The following ZIM2 variants were observed in gnomAD, a reference collection of about 807,000 sequenced individuals.
ZIM2 encodes the protein zinc finger imprinted 2.
ZIM2 carries 14 observed loss-of-function variants against 38.6 expected under a neutral mutation model. The ratio of observed to expected loss-of-function variants is 0.36; its 90% CI spans 0.24 to 0.57. ZIM2 has a LOEUF of 0.57. Among genes scored for constraint, ZIM2 ranks in the 20% least tolerant of loss-of-function variants. ZIM2 has a pLI of 0.81. For synonymous variants in ZIM2, 247 were observed against 245.8 expected, an observed-to-expected ratio of 1.00 and a Z score of -0.04; for missense variants, 680 against 695.1, an observed-to-expected ratio of 0.98 and a Z score of 0.24.
Position 56,812,113 on chromosome 19 carries a change from C to T in ZIM2, c.490+5633G>A, listed in dbSNP as rs994549830. On this transcript the variant is annotated intron_variant, in intron 9 of 12. Coordinates refer to ENST00000629319, the MANE Select transcript of ZIM2 (RefSeq NM_001387356.1). Reference sequence around the variant, plus strand: ...TGATCTACACTTACATTTTGCAAATCTTTTTTTTTAAATTTTTTAAATTTT... The same window carrying T: ...TGATCTACACTTACATTTTGCAAATTTTTTTTTTTAAATTTTTTAAATTTT... The T allele has an allele frequency of 1.0e-5, 10 of 969,000 alleles. No individual in the cohort carries two copies. The African/African-American group carries it at 1.8e-4, about 17-fold the overall frequency. 60.0% of individuals were successfully genotyped at this position (969,000 alleles called of 1,614,324 possible). A position where few individuals can be genotyped will look rare whatever the true frequency, so the allele number is the denominator to read the frequency against.
At chr19:56,827,695 T>C (rs1300586700) in intron 2 of ZIM2, among the ~76,000 whole-genome samples, 3 of 151,364 alleles carry the variant, frequency 2.0e-5, no homozygotes, top group Admixed American at 1.3e-4. Context: ...CATTGAAGTG[T>C]TGTTAATAGA....
chr19:56,813,866 T>A, intron 9 of ZIM2: 1 of 1,614,010 alleles, frequency 6.2e-7, no homozygotes, highest in Non-Finnish European at 8.5e-7. Flanking sequence ...CTGGCATGAG[T>A]TTTCAGGTGT....
intron 9 of ZIM2, chr19:56,810,813 G>C: frequency 1.0e-6 from 1 of 971,484 alleles, no homozygotes; most frequent in African/African-American, 1.8e-5. Flanking sequence ...TAGGTGTTGG[G>C]AATATAGGTA....
At chr19:56,818,768 G>A (rs1600983590) in intron 7 of ZIM2, 66 bp from the exon 8 acceptor site, 2 of 1,561,248 alleles carry the variant, frequency 1.3e-6, no homozygotes, top group Non-Finnish European at 1.8e-6. Flanking sequence ...ACAGAATAAT[G>A]TTGGCAACAT....
At chr19:56,804,042 G>T (rs1187030185) in intron 9 of ZIM2, among the ~76,000 whole-genome samples, 1 of 152,210 alleles carries the variant, frequency 6.6e-6, no homozygotes, top group African/African-American at 2.4e-5. Context: ...CCAAACTTCA[G>T]GGAGTCAATC....
At chr19:56,831,491 T>A (rs1049541866) in intron 2 of ZIM2, among the ~76,000 whole-genome samples, 5 of 152,248 alleles carry the variant, frequency 3.3e-5, no homozygotes, top group Non-Finnish European at 5.9e-5. Context: ...TAACCACTGC[T>A]GGCATGGAGC....
At chr19:56,783,369 A>G (rs972140407) in intron 10 of ZIM2, among the ~76,000 whole-genome samples, 3 of 152,204 alleles carry the variant, frequency 2.0e-5, no homozygotes, top group Admixed American at 6.5e-5. Flanking sequence ...TGTTCATCAC[A>G]GCACTGTTCA....
chr19:56,838,560 T>G (rs1440971418), intron 1 of ZIM2, among the ~76,000 whole-genome samples: 1 of 152,170 alleles, frequency 6.6e-6, no homozygotes, highest in Non-Finnish European at 1.5e-5. Context: ...CATCCTGTGG[T>G]GAACAAAGTC....
rs371103202 is a variant in ZIM2, at chr19:56,816,695, T to G, written c.490+1051A>C. 8.1e-6 allele frequency: 13 copies of G among 1,614,062 alleles called. No individual in the cohort carries two copies. Among genetic ancestry groups the G allele is most frequent in the Non-Finnish European group, 1.1e-5 (13 of 1,180,026 alleles). ...TCTTTGTCATCCCCAAAGTGGATTT[T>G]CTGGTGCTCAATCAGGGCAGAACTA... On this transcript the variant is annotated intron_variant, in intron 9 of 12. Coordinates refer to ENST00000629319, the MANE Select transcript of ZIM2 (RefSeq NM_001387356.1).
Position 56,836,750 on chromosome 19 carries a change from C to G in ZIM2, c.-313-646G>C, listed in dbSNP as rs555503777. Among the ~76,000 whole-genome samples, 14 of 152,280 alleles carry G rather than the reference C, an allele frequency of 9.2e-5. No homozygotes were observed. The South Asian group carries it at 1.4e-3, about 16-fold the overall frequency. ...TTGGGAGGCCAAGGCGGGCAGATCA[C>G]CTGAGGTCAGGAGTTCGAGACCACC... On this transcript the variant is annotated intron_variant, in intron 1 of 12. Coordinates refer to ENST00000629319, the MANE Select transcript of ZIM2 (RefSeq NM_001387356.1).
At chr19:56,833,191 G>A (rs1438407586) in intron 2 of ZIM2, 1 of 516,172 alleles carries the variant, frequency 1.9e-6, no homozygotes, top group African/African-American at 1.9e-5. Context: ...TGATGCAGGA[G>A]AAAATCCACC....
chr19:56,811,033 C>A, intron 9 of ZIM2: 1 of 980,222 alleles, frequency 1.0e-6, no homozygotes. Flanking sequence ...AATCATAAAC[C>A]TGTGCACAGA....
chr19:56,830,881 C>T (rs1334482685), intron 2 of ZIM2, among the ~76,000 whole-genome samples: 1 of 152,008 alleles, frequency 6.6e-6, no homozygotes, highest in Admixed American at 6.6e-5. Context: ...GGGCTAAGAT[C>T]ATGCCCCTGC....
rs116143115 is a variant in ZIM2 at position 56,792,819 on chromosome 19, T to C, written c.491-2868A>G. On this transcript the variant is annotated intron_variant, in intron 9 of 12. Coordinates refer to ENST00000629319, the MANE Select transcript of ZIM2 (RefSeq NM_001387356.1). ...ACCCCTGAACTTAAAATAAAAATTT[T>C]AAAATAACCCAAACACCAAATTTCT... Among the ~76,000 whole-genome samples the C allele has an allele frequency of 7.4e-3, 1,132 of 152,300 alleles. 10 individuals are homozygous for C. The highest frequency in any genetic ancestry group is 0.026 in the African/African-American group (1,079 of 41,572).
At chr19:56,824,682 G>A in intron 3 of ZIM2, 1 of 1,577,672 alleles carries the variant, frequency 6.3e-7, no homozygotes, top group Non-Finnish European at 8.6e-7. Flanking sequence ...TTCACTGGAG[G>A]AACCAAACAT....
chr19:56,785,176 G>A (rs765352609), intron 10 of ZIM2, among the ~76,000 whole-genome samples: 1 of 152,120 alleles, frequency 6.6e-6, no homozygotes, highest in Non-Finnish European at 1.5e-5. Flanking sequence ...CAAAAGCTGA[G>A]TCACAGCTGC....
intron 10 of ZIM2, 72 bp from the exon 11 acceptor site, chr19:56,782,193 G>A (rs911174201): frequency 4.7e-5 from 74 of 1,558,056 alleles, no homozygotes; most frequent in Non-Finnish European, 6.1e-5. Flanking sequence ...GACCAGCAGA[G>A]AGCTTCCACG....
chr19:56,817,470 G>C (rs1435132856), intron 9 of ZIM2: 1 of 1,613,464 alleles, frequency 6.2e-7, no homozygotes, highest in East Asian at 2.2e-5. Context: ...ATTTGGAACT[G>C]CGTGACACAT....
chr19:56,780,847 T>G (rs1246142437), intron 11 of ZIM2, among the ~76,000 whole-genome samples: 2 of 152,214 alleles, frequency 1.3e-5, no homozygotes, highest in Non-Finnish European at 2.9e-5. Flanking sequence ...GATTGAAGGA[T>G]TATGTCATGC....
Sources: gnomAD v4.1 joint callset for allele counts (sites outside exome capture counted in the v4.1 genomes callset) on GRCh38, gnomAD v4.1.1 for gene constraint, MANE v1.5 for transcripts, NCBI Gene and HGNC (gene_info 2026-07-23, HGNC 2026-07-21) for gene names.